The following FAM13C variants were observed in gnomAD, a reference collection of about 807,000 sequenced individuals.
FAM13C encodes the protein protein FAM13C.
FAM13C carries 37 observed loss-of-function variants against 73.2 expected under a neutral mutation model. The observed-to-expected ratio is 0.51, with a 90% CI of 0.39 to 0.67. The LOEUF is 0.67. Ranked by LOEUF, FAM13C falls within the 30% of genes least tolerant of loss-of-function variation. FAM13C has a pLI of 0.00. For synonymous variants in FAM13C, 246 were observed against 260.9 expected (o/e 0.94, Z 0.55); for missense variants, 589 against 715.6 (o/e 0.82, Z 2.02).
intron 5 of FAM13C, among the ~76,000 whole-genome samples, chr10:59,288,765 G>A (rs1845878871): frequency 6.6e-6 from 1 of 152,182 alleles, no homozygotes; most frequent in Admixed American, 6.5e-5. Flanking sequence ...GGACAAGAAG[G>A]CAAAGAGGAA....
At chr10:59,251,112 A>G (rs1422467577) in intron 13 of FAM13C, 2 of 170,742 alleles carry the variant, frequency 1.2e-5, no homozygotes, top group Non-Finnish European at 2.5e-5. Flanking sequence ...TGAATTTTTG[A>G]TCGACTCTTG....
intron 4 of FAM13C, among the ~76,000 whole-genome samples, chr10:59,307,328 C>A (rs284583): frequency 0.74 from 113,150 of 151,946 alleles, 44,082 homozygotes; most frequent in East Asian, 0.91. Context: ...TGCTAGGCAA[C>A]GTACCTAGAA....
chr10:59,266,151 G>T (rs566236399), intron 8 of FAM13C, among the ~76,000 whole-genome samples: 1 of 152,258 alleles, frequency 6.6e-6, no homozygotes, highest in East Asian at 1.9e-4. Flanking sequence ...CTGGGCCTCA[G>T]CATCTTCAGT....
intron 10 of FAM13C, among the ~76,000 whole-genome samples, chr10:59,258,432 A>G (rs138729003): frequency 8.3e-4 from 127 of 152,328 alleles, no homozygotes; most frequent in African/African-American, 2.8e-3. Context: ...GCAGTGAGCT[A>G]TGATTGTGCC....
chr10:59,312,328 T>C (rs925685082), intron 4 of FAM13C, among the ~76,000 whole-genome samples: 1 of 152,182 alleles, frequency 6.6e-6, no homozygotes, highest in African/African-American at 2.4e-5. Flanking sequence ...GCCTAAATGC[T>C]GCCTGTTCCC....
At chr10:59,305,119 A>G (rs992770876) in intron 4 of FAM13C, among the ~76,000 whole-genome samples, 1 of 152,206 alleles carries the variant, frequency 6.6e-6, no homozygotes, top group Non-Finnish European at 1.5e-5. Context: ...CTGCAATAGC[A>G]ACACTAAATG....
intron 7 of FAM13C, among the ~76,000 whole-genome samples, chr10:59,269,270 G>C (rs1843429062): frequency 6.6e-6 from 1 of 151,970 alleles, no homozygotes; most frequent in African/African-American, 2.4e-5. Flanking sequence ...GAGAAACCAG[G>C]GATTCCCTGG....
At position 59,282,528 on chromosome 10, in the gene FAM13C, AT is replaced by A. The variant is rs779624040; in HGVS notation, c.592+834del. On this transcript the variant is annotated intron_variant, in intron 6 of 13. Transcript: ENST00000618804. The stretch of plus-strand genomic sequence containing the variant: ...ACAATTGCTAATGGTACTGAAACAG[AT>A]TACCTGTGTAAATCTTTGCCTTCAA... 7.2e-5 allele frequency: 11 copies of A among 152,280 alleles called. No homozygotes were observed. In the East Asian group the frequency reaches 1.2e-3, roughly 16 times the overall value. The allele number at this position is 152,280 out of a possible 1,614,324, so 9.4% of individuals were successfully genotyped here. A position where few individuals can be genotyped will look rare whatever the true frequency, so the allele number is the denominator to read the frequency against.
In FAM13C at chr10:59,262,595, G is replaced by T. The variant is rs768921251; in HGVS notation, c.1075C>A (p.Pro359Thr). 1 of 1,613,790 alleles carries T rather than the reference G, an allele frequency of 6.2e-7. No individual in the cohort carries two copies. Among genetic ancestry groups the T allele is most frequent in the East Asian group, 2.2e-5 (1 of 44,878 alleles). ...EEQGSAPKGP[P>T]RNLLCEQPTV... Reference sequence around the variant, plus strand: ...GGTTGCTCACACAACAGGTTTCTAGGTGGACCTTTGGGAGCACTCCCTTGT... The same window carrying T: ...GGTTGCTCACACAACAGGTTTCTAGTTGGACCTTTGGGAGCACTCCCTTGT... The change falls in exon 10 of 14, where the codon CCT (proline) becomes ACT (threonine). Residue 359 changes from proline to threonine, a missense_variant. Coordinates refer to ENST00000618804, the MANE Select transcript of FAM13C (RefSeq NM_198215.4).
chr10:59,309,367 C>A (rs554812115), intron 4 of FAM13C, among the ~76,000 whole-genome samples: 1 of 152,246 alleles, frequency 6.6e-6, no homozygotes, highest in African/African-American at 2.4e-5. Context: ...CTTTCACTAC[C>A]CTTCTGCACA....
chr10:59,305,020 T>G (rs1378326567), intron 4 of FAM13C, among the ~76,000 whole-genome samples: 4 of 152,136 alleles, frequency 2.6e-5, no homozygotes, highest in Non-Finnish European at 2.9e-5. Flanking sequence ...CCACACCAGG[T>G]GCAGCCACCC....
At chr10:59,331,138 G>A (rs1336587182) in intron 3 of FAM13C, among the ~76,000 whole-genome samples, 1 of 152,208 alleles carries the variant, frequency 6.6e-6, no homozygotes, top group Non-Finnish European at 1.5e-5. Flanking sequence ...TGGCAATGGT[G>A]GTGGGGGATG....
chr10:59,341,625 G>T (rs1390710929), intron 3 of FAM13C, among the ~76,000 whole-genome samples: 2 of 152,128 alleles, frequency 1.3e-5, no homozygotes, highest in African/African-American at 4.8e-5. Context: ...GAAGGTGGAG[G>T]TTGCGGTGAG....
intron 3 of FAM13C, among the ~76,000 whole-genome samples, chr10:59,335,762 G>T (rs927594382): frequency 1.3e-5 from 2 of 152,222 alleles, no homozygotes; most frequent in Admixed American, 1.3e-4. Context: ...GGAATGCTCT[G>T]CAGGGGAAGG....
chr10:59,327,172 A>T lies in FAM13C; in HGVS notation c.325-3066T>A, dbSNP rs577702425. Reference sequence around the variant, plus strand: ...TCCCGACCCAAGTACCTTACAGGGAATAGGGGAGGAAAACCCAAGCCTTAG... The same window carrying T: ...TCCCGACCCAAGTACCTTACAGGGATTAGGGGAGGAAAACCCAAGCCTTAG... On this transcript the variant is annotated intron_variant, in intron 3 of 13. Coordinates refer to ENST00000618804, the MANE Select transcript of FAM13C (RefSeq NM_198215.4). Among the ~76,000 whole-genome samples the T allele has an allele frequency of 3.3e-5, 5 of 152,280 alleles. No homozygotes were observed. In the South Asian group the frequency reaches 1.0e-3, roughly 32 times the overall value.
At chr10:59,343,631 C>A (rs1236315257) in intron 3 of FAM13C, among the ~76,000 whole-genome samples, 4 of 152,182 alleles carry the variant, frequency 2.6e-5, no homozygotes, top group Non-Finnish European at 4.4e-5. Context: ...TACTTCAGGC[C>A]TGGAGCTTGT....
chr10:59,264,683 A>C (rs1842844289), intron 8 of FAM13C, among the ~76,000 whole-genome samples: 1 of 152,158 alleles, frequency 6.6e-6, no homozygotes, highest in South Asian at 2.1e-4. Flanking sequence ...TATATCCTCT[A>C]AGCTAAAGAA....
At chr10:59,349,342 A>C (rs1854722375) in intron 3 of FAM13C, among the ~76,000 whole-genome samples, 1 of 152,256 alleles carries the variant, frequency 6.6e-6, no homozygotes, top group Non-Finnish European at 1.5e-5. Context: ...TTGACACTTC[A>C]AATGACAGAC....
rs565267958 is a variant in FAM13C at position 59,248,755 on chromosome 10, TAA to T, written c.1635-1020_1635-1019del. On this transcript the variant is annotated intron_variant, in intron 13 of 13. Coordinates refer to ENST00000618804, the MANE Select transcript of FAM13C (RefSeq NM_198215.4). Reference sequence around the variant, plus strand: ...TCCCTTCTATTTTTCCCAGTAGTGATAAAGAGATATTTCTATCTCTTACCAAA... The same window carrying T: ...TCCCTTCTATTTTTCCCAGTAGTGATAGAGATATTTCTATCTCTTACCAAA... Among the ~76,000 whole-genome samples the T allele has an allele frequency of 3.9e-3, 601 of 152,326 alleles. 6 individuals carry two copies. Among genetic ancestry groups the T allele is most frequent in the Non-Finnish European group, 6.8e-3 (463 of 68,022 alleles).
Sources: gnomAD v4.1 joint callset for allele counts (sites outside exome capture counted in the v4.1 genomes callset) on GRCh38, gnomAD v4.1.1 for gene constraint, MANE v1.5 for transcripts, NCBI Gene and HGNC (gene_info 2026-07-23, HGNC 2026-07-21) for gene names.